ABCE1: variants seen among roughly 807,000 people sequenced by gnomAD.
ABCE1 encodes the protein ATP-binding cassette sub-family E member 1.
In ABCE1, 22 loss-of-function variants were observed where a neutral mutation model predicts 83.4. The ratio of observed to expected loss-of-function variants is 0.26; its 90% CI spans 0.19 to 0.38. ABCE1 has a LOEUF of 0.38. ABCE1 is among the 10% of genes least tolerant of loss of function. The pLI, the probability that ABCE1 is intolerant of heterozygous loss-of-function variation, is 1.00. For synonymous variants in ABCE1, 204 were observed against 233.7 expected (o/e 0.87, Z 1.16); for missense variants, 330 against 721.9 (o/e 0.46, Z 6.22).
At chr4:145,101,098 G>A (rs901245204) in intron 1 of ABCE1, among the ~76,000 whole-genome samples, 1 of 152,098 alleles carries the variant, frequency 6.6e-6, no homozygotes, top group Admixed American at 6.5e-5. Context: ...TATATAGTAT[G>A]TCATATAGTT....
chr4:145,105,491 T>C, intron 2 of ABCE1, 114 bp from the exon 3 acceptor site: 1 of 680,440 alleles, frequency 1.5e-6, no homozygotes, highest in Non-Finnish European at 2.5e-6. Context: ...GTGGCCTTTG[T>C]TTTTGAAAAT....
In ABCE1 at chr4:145,108,204, C is replaced by A. The variant is rs1749360291; in HGVS notation, c.287+92C>A. 5 of 1,094,872 alleles carry A rather than the reference C, an allele frequency of 4.6e-6. No homozygotes were observed. In the East Asian group the frequency reaches 1.2e-4, roughly 26 times the overall value. The allele number at this position is 1,094,872 out of a possible 1,614,324, so 67.8% of individuals were successfully genotyped here. ...GAAGTGCAGAAATTGGGGGGAAATG[C>A]TATTAACCAGTCACTAAAGGAAAAT... On this transcript the variant is annotated intron_variant, in intron 4 of 17. Coordinates refer to ENST00000296577, the MANE Select transcript of ABCE1 (RefSeq NM_002940.3).
chr4:145,099,198 G>A lies in ABCE1; in HGVS notation c.-28+779G>A, dbSNP rs558209070. 2.6e-5 allele frequency among the ~76,000 whole-genome samples: 4 copies of A among 152,284 alleles called. No individual in the cohort carries two copies. In the East Asian group the frequency reaches 7.7e-4, roughly 29 times the overall value. The stretch of plus-strand genomic sequence containing the variant: ...ACATTGTAGGCATTTAATACGTATT[G>A]TGAATGAATGACAGCCAAAGCCGAA... On this transcript the variant is annotated intron_variant, in intron 1 of 17. Transcript: ENST00000296577.
chr4:145,102,748 G>A (rs34507186), intron 1 of ABCE1, among the ~76,000 whole-genome samples: 41,539 of 152,022 alleles, frequency 0.27, 7,138 homozygotes, highest in Non-Finnish European at 0.37. Context: ...TTTGAAGAAT[G>A]GAGGAATCAG....
chr4:145,116,137 C>T (rs1156738637), intron 9 of ABCE1, among the ~76,000 whole-genome samples: 1 of 151,844 alleles, frequency 6.6e-6, no homozygotes, highest in Non-Finnish European at 1.5e-5. Flanking sequence ...GCTTCCTAGA[C>T]ACCAGAGAAG....
chr4:145,098,495 G>C (rs1158896598), intron 1 of ABCE1, 76 bp downstream of exon 1: 3 of 152,354 alleles, frequency 2.0e-5, no homozygotes, highest in African/African-American at 7.2e-5. Flanking sequence ...GACGTTCTCC[G>C]AGAGCCTTTG....
chr4:145,098,801 G>A (rs1748983870), intron 1 of ABCE1, among the ~76,000 whole-genome samples: 1 of 152,228 alleles, frequency 6.6e-6, no homozygotes, highest in Admixed American at 6.5e-5. Flanking sequence ...CACTCCTCCA[G>A]CACCCAAAAT....
At chr4:145,111,701 C>T (rs1333516238) in intron 8 of ABCE1, among the ~76,000 whole-genome samples, 2 of 152,118 alleles carry the variant, frequency 1.3e-5, no homozygotes, top group Admixed American at 1.3e-4. Flanking sequence ...TGAAGCAAGA[C>T]GCGAGGTCTT....
intron 9 of ABCE1, among the ~76,000 whole-genome samples, chr4:145,114,736 C>T (rs541290487): frequency 1.3e-5 from 2 of 151,838 alleles, no homozygotes; most frequent in African/African-American, 4.8e-5. Context: ...AGGACAGTAA[C>T]TTTAATTGTA....
intron 17 of ABCE1, 83 bp from the exon 18 acceptor site, chr4:145,127,443 A>G (rs1181383775): frequency 8.2e-7 from 1 of 1,223,738 alleles, no homozygotes. Flanking sequence ...AAGCACAGCT[A>G]AGTAATACCA....
At chr4:145,110,823 G>A in intron 7 of ABCE1, 145 bp from the exon 8 acceptor site, 2 of 591,494 alleles carry the variant, frequency 3.4e-6, no homozygotes, top group Non-Finnish European at 5.9e-6. Flanking sequence ...ATCTTTATGT[G>A]GATTACTGAA....
At chr4:145,123,861 G>A (rs996758923) in intron 16 of ABCE1, 1 of 239,848 alleles carries the variant, frequency 4.2e-6, no homozygotes, top group Admixed American at 5.1e-5. Context: ...CCTTTTCTCA[G>A]CTTAACTTTT....
chr4:145,124,414 C>T (rs1749822457), intron 16 of ABCE1, among the ~76,000 whole-genome samples: 1 of 151,636 alleles, frequency 6.6e-6, no homozygotes, highest in Non-Finnish European at 1.5e-5. Context: ...AATTTCTTAG[C>T]ATATGTGATG....
chr4:145,106,939 C>T (rs1254101942), intron 3 of ABCE1, among the ~76,000 whole-genome samples: 2 of 152,048 alleles, frequency 1.3e-5, no homozygotes, highest in Admixed American at 6.6e-5. Context: ...TCTCTAAACA[C>T]GGAAACTTAG....
At position 145,128,380 on chromosome 4, in the gene ABCE1, G is replaced by C. The variant is rs187834592; in HGVS notation, c.*807G>C. 1.3e-5 allele frequency: 2 copies of C among 152,478 alleles called. No homozygotes were observed. The highest frequency in any genetic ancestry group is 4.8e-5 in the African/African-American group (2 of 41,526). 9.4% of individuals were successfully genotyped at this position (152,478 alleles called of 1,614,324 possible). ...TTCTAAAGAATATTTGCTTCCCTTA[G>C]AACTACAGACTCGAAATCTTTAAAG... On this transcript the variant is annotated 3_prime_UTR_variant, in exon 18 of 18. Coordinates refer to ENST00000296577, the MANE Select transcript of ABCE1 (RefSeq NM_002940.3).
At chr4:145,124,601 G>A (rs890996483) in intron 16 of ABCE1, among the ~76,000 whole-genome samples, 14 of 152,238 alleles carry the variant, frequency 9.2e-5, no homozygotes, top group Admixed American at 9.1e-4. Flanking sequence ...ATTCCCTCCA[G>A]TAACAAATTT....
rs188927490 is a variant in ABCE1, at chr4:145,120,200, G to C, written c.1144+47G>C. 174 of 1,504,512 alleles carry C rather than the reference G, an allele frequency of 1.2e-4. 2 individuals carry two copies. The East Asian group carries it at 3.8e-3, about 33-fold the overall frequency. The allele number at this position is 1,504,512 out of a possible 1,614,324, so 93.2% of individuals were successfully genotyped here. A position where few individuals can be genotyped will look rare whatever the true frequency, so the allele number is the denominator to read the frequency against. On this transcript the variant is annotated intron_variant, in intron 11 of 17. Transcript: ENST00000296577. ...AAGTAAAAATCTTCCTGTTTATCTA[G>C]TAAATTAGTTTTAACTGTTTTGTGG...
intron 1 of ABCE1, among the ~76,000 whole-genome samples, chr4:145,104,169 A>G (rs34227161): frequency 7.9e-5 from 12 of 151,866 alleles, no homozygotes; most frequent in African/African-American, 2.9e-4. Context: ...CCTTATATAA[A>G]TCTTCTGATT....
chr4:145,115,690 T>C (rs35678894), intron 9 of ABCE1, among the ~76,000 whole-genome samples: 4,354 of 152,006 alleles, frequency 0.029, 108 homozygotes, highest in Non-Finnish European at 0.042. Flanking sequence ...ATTCAACTTA[T>C]GGCTAGTAGT....
Sources: allele counts gnomAD v4.1 joint callset (sites outside exome capture counted in the v4.1 genomes callset), GRCh38; gene constraint gnomAD v4.1.1; transcripts MANE v1.5; gene names NCBI Gene and HGNC (gene_info 2026-07-23, HGNC 2026-07-21).